PPP2R2B: variants seen among roughly 807,000 people sequenced by gnomAD.
The protein encoded by PPP2R2B is serine/threonine-protein phosphatase 2A 55 kDa regulatory subunit B beta isoform.
In PPP2R2B, 5 loss-of-function variants were observed where a neutral mutation model predicts 46.0. The observed-to-expected ratio is 0.11, with a 90% CI of 0.06 to 0.23. The LOEUF (loss-of-function observed/expected upper bound fraction) is 0.23. Ranked by LOEUF, PPP2R2B falls within the 10% of genes least tolerant of loss-of-function variation. The pLI, the probability that PPP2R2B is intolerant of heterozygous loss-of-function variation, is 1.00. For missense variants in PPP2R2B, 367 were observed against 575.0 expected (o/e 0.64, Z 3.70); for synonymous variants, 215 against 206.7 (o/e 1.04, Z -0.34).
At chr5:147,034,383 T>C (rs538652672) in intron 1 of PPP2R2B, among the ~76,000 whole-genome samples, 1 of 152,310 alleles carries the variant, frequency 6.6e-6, no homozygotes, top group South Asian at 2.1e-4. Flanking sequence ...GTTTTATTCA[T>C]TACCATTTTC....
chr5:146,717,084 TGCTTA>T (rs1171814325), intron 2 of PPP2R2B, among the ~76,000 whole-genome samples: 2 of 152,246 alleles, frequency 1.3e-5, no homozygotes, highest in Non-Finnish European at 2.9e-5. Context: ...GACAGCTCTC[TGCTTA>T]GCTTAAAGTC....
chr5:146,869,052 T>A (rs1761469030), intron 2 of PPP2R2B, among the ~76,000 whole-genome samples: 1 of 152,208 alleles, frequency 6.6e-6, no homozygotes, highest in African/African-American at 2.4e-5. Context: ...AAGCCCTCCA[T>A]AACTACCAGC....
At chr5:147,026,187 A>C (rs2151888345) in intron 1 of PPP2R2B, among the ~76,000 whole-genome samples, 1 of 152,274 alleles carries the variant, frequency 6.6e-6, no homozygotes, top group Admixed American at 6.5e-5. Context: ...TGTTCATAGC[A>C]AGTTTATTTA....
At chr5:146,856,657 C>T (rs1760689142) in intron 2 of PPP2R2B, 2 of 1,035,300 alleles carry the variant, frequency 1.9e-6, no homozygotes, top group Non-Finnish European at 3.0e-6. Flanking sequence ...CATACAGGTG[C>T]ATTTACATAC....
chr5:146,591,402 G>A (rs1031919393), intron 9 of PPP2R2B, among the ~76,000 whole-genome samples: 3 of 152,182 alleles, frequency 2.0e-5, no homozygotes, highest in African/African-American at 7.2e-5. Flanking sequence ...GTGTACTCGA[G>A]TGGACTGTTA....
At chr5:146,756,736 C>A (rs1049207313) in intron 2 of PPP2R2B, among the ~76,000 whole-genome samples, 1 of 152,146 alleles carries the variant, frequency 6.6e-6, no homozygotes, top group African/African-American at 2.4e-5. Context: ...TGAGTGAATT[C>A]ATGTCGTGTA....
intron 2 of PPP2R2B, among the ~76,000 whole-genome samples, chr5:146,798,963 G>A (rs1254597984): frequency 6.6e-6 from 1 of 152,098 alleles, no homozygotes; most frequent in Non-Finnish European, 1.5e-5. Context: ...GAGTGACTTT[G>A]AGAATTTATA....
chr5:147,059,634 G>A (rs551107640), upstream of PPP2R2B, among the ~76,000 whole-genome samples: 1 of 152,334 alleles, frequency 6.6e-6, no homozygotes, highest in South Asian at 2.1e-4. Context: ...AAGGCCCCTT[G>A]AGTGTGGCAG....
Position 146,878,526 on chromosome 5 carries a change from C to A in PPP2R2B, c.-125+65G>T. 7.8e-7 allele frequency: 1 copy of A among 1,280,436 alleles called. No individual in the cohort carries two copies. The highest frequency in any genetic ancestry group is 1.0e-6 in the Non-Finnish European group (1 of 999,106). 79.3% of individuals were successfully genotyped at this position (1,280,436 alleles called of 1,614,324 possible). On this transcript the variant is annotated intron_variant, in intron 1 of 9. Transcript: ENST00000394411. The surrounding 1 kb of genome is among the most constrained non-coding windows in gnomAD (Gnocchi z 4.5). ...CCCCTGGGAGAGCGGGCAGCCGCGA[C>A]AAAATGGTGCCTTTCTGGACCCGAG...
intron 8 of PPP2R2B, among the ~76,000 whole-genome samples, chr5:146,593,740 G>C (rs1309997590): frequency 6.6e-6 from 1 of 152,168 alleles, no homozygotes; most frequent in Non-Finnish European, 1.5e-5. Context: ...CCTAGAGGCA[G>C]GAATCCTGGA....
intron 1 of PPP2R2B, among the ~76,000 whole-genome samples, chr5:146,912,481 C>T (rs761019504): frequency 3.3e-5 from 5 of 151,080 alleles, no homozygotes; most frequent in South Asian, 2.1e-4. Context: ...GACATATCCA[C>T]GATCTCTTGT....
At chr5:146,685,878 AC>A (rs1206702427) in intron 5 of PPP2R2B, among the ~76,000 whole-genome samples, 2 of 151,772 alleles carry the variant, frequency 1.3e-5, no homozygotes. Context: ...TGCAGCCCTC[AC>A]CCCCCGCCTT....
intron 1 of PPP2R2B, among the ~76,000 whole-genome samples, chr5:146,955,889 CT>C (rs1391846534): frequency 6.6e-6 from 1 of 150,774 alleles, no homozygotes; most frequent in East Asian, 2.0e-4. Flanking sequence ...AGCAATTCTC[CT>C]GCCTCAGCCT....
Position 146,861,211 on chromosome 5 carries a change from A to G in PPP2R2B, c.70+16791T>C, listed in dbSNP as rs185605597. Among the ~76,000 whole-genome samples the G allele has an allele frequency of 4.6e-5, 7 of 151,708 alleles. No homozygotes were observed. In the East Asian group the frequency reaches 1.4e-3, roughly 29 times the overall value. Reference sequence around the variant, plus strand: ...GCTGGGACTACAGGTGCCCGCCACCACGCCCGGCTAATTTTTTTGTATTTT... The same window carrying G: ...GCTGGGACTACAGGTGCCCGCCACCGCGCCCGGCTAATTTTTTTGTATTTT... On this transcript the variant is annotated intron_variant, in intron 2 of 9. Coordinates refer to ENST00000394411, the MANE Select transcript of PPP2R2B (RefSeq NM_181675.4).
At chr5:146,783,734 T>A (rs1274204136) in intron 2 of PPP2R2B, among the ~76,000 whole-genome samples, 1 of 152,210 alleles carries the variant, frequency 6.6e-6, no homozygotes, top group Non-Finnish European at 1.5e-5. Flanking sequence ...TGGCAGATGT[T>A]ATGAGAATTT....
chr5:147,028,140 C>A (rs888412727), intron 1 of PPP2R2B, among the ~76,000 whole-genome samples: 4 of 152,182 alleles, frequency 2.6e-5, no homozygotes, highest in African/African-American at 9.7e-5. Context: ...GTACTATTTT[C>A]TGCAAGGTCT....
chr5:147,081,032 G>A (rs1757954124), intron 2 of PPP2R2B: 1 of 1,527,262 alleles, frequency 6.5e-7, no homozygotes, highest in Non-Finnish European at 8.8e-7. Context: ...AAGGAGGCAA[G>A]GAAAAGGGCA....
At chr5:146,722,387 A>G (rs893016117) in intron 2 of PPP2R2B, among the ~76,000 whole-genome samples, 3 of 152,186 alleles carry the variant, frequency 2.0e-5, no homozygotes, top group Admixed American at 2.0e-4. Flanking sequence ...CGGAGCTACA[A>G]AGGCCACTTT....
At chr5:146,902,593 C>T (rs978975237) in intron 1 of PPP2R2B, among the ~76,000 whole-genome samples, 19 of 152,296 alleles carry the variant, frequency 1.2e-4, no homozygotes, top group African/African-American at 4.3e-4. Flanking sequence ...CGTTAAAGTG[C>T]TCTTAACTGG....
Sources: gnomAD v4.1 joint callset for allele counts (sites outside exome capture counted in the v4.1 genomes callset) on GRCh38, gnomAD v4.1.1 for gene constraint, Gnocchi (gnomAD v3.1) non-coding constraint, MANE v1.5 for transcripts, NCBI Gene and HGNC (gene_info 2026-07-23, HGNC 2026-07-21) for gene names.